Variants in UBR3 observed in about 807,000 individuals in gnomAD.
UBR3 encodes E3 ubiquitin-protein ligase UBR3.
In UBR3, 85 loss-of-function variants were observed where a neutral mutation model predicts 243.2. The observed-to-expected ratio is 0.35, with a 90% confidence interval of 0.29 to 0.42. The LOEUF (loss-of-function observed/expected upper bound fraction) is 0.42. Ranked by LOEUF, UBR3 falls within the 10% of genes least tolerant of loss-of-function variation. The pLI is 1.00. For synonymous variants in UBR3, 748 were observed against 799.8 expected (o/e 0.94, Z 1.09); for missense variants, 1,686 against 2,300.8 (o/e 0.73, Z 5.47).
At chr2:169,856,707 C>T (rs1015386398) in intron 1 of UBR3, among the ~76,000 whole-genome samples, 1 of 152,150 alleles carries the variant, frequency 6.6e-6, no homozygotes, top group African/African-American at 2.4e-5. Context: ...CGGCGCGCGC[C>T]TGCAATCCCA....
At chr2:169,864,602 C>G (rs1426187048) in intron 1 of UBR3, among the ~76,000 whole-genome samples, 1 of 151,646 alleles carries the variant, frequency 6.6e-6, no homozygotes, top group Non-Finnish European at 1.5e-5. Flanking sequence ...AACCCCATCT[C>G]TACTAAAAAT....
chr2:169,903,840 G>T (rs1276536253), intron 8 of UBR3, among the ~76,000 whole-genome samples: 2 of 152,130 alleles, frequency 1.3e-5, no homozygotes, highest in Non-Finnish European at 2.9e-5. Flanking sequence ...GGGCAACATA[G>T]TGAGACCCCC....
chr2:169,902,720 C>T (rs13016372), intron 8 of UBR3, among the ~76,000 whole-genome samples: 64,132 of 151,496 alleles, frequency 0.42, 15,140 homozygotes, highest in Non-Finnish European at 0.54. Context: ...AGTGATTCTC[C>T]TGCCTCAGCC....
At chr2:169,979,984 AAAC>A (rs1308013545) in intron 24 of UBR3, among the ~76,000 whole-genome samples, 5 of 152,228 alleles carry the variant, frequency 3.3e-5, no homozygotes, top group African/African-American at 9.6e-5. Context: ...GTGATGTATG[AAAC>A]AACCTCACTG....
chr2:170,020,657 C>T (rs1005584132), intron 30 of UBR3, among the ~76,000 whole-genome samples: 2 of 152,272 alleles, frequency 1.3e-5, no homozygotes, highest in South Asian at 4.1e-4. Flanking sequence ...AGGCAAATAG[C>T]TGGACTAGGA....
At chr2:169,862,397 A>G (rs1006207794) in intron 1 of UBR3, among the ~76,000 whole-genome samples, 4 of 152,140 alleles carry the variant, frequency 2.6e-5, no homozygotes, top group Non-Finnish European at 5.9e-5. Context: ...GCCCAGGAAT[A>G]TGTATAGGTG....
intron 19 of UBR3, among the ~76,000 whole-genome samples, chr2:169,937,492 G>A (rs1301648436): frequency 6.6e-6 from 1 of 152,154 alleles, no homozygotes; most frequent in Non-Finnish European, 1.5e-5. Context: ...CTTTTGCAGT[G>A]CAGAAACTCT....
intron 30 of UBR3, among the ~76,000 whole-genome samples, chr2:170,027,953 C>T (rs930368163): frequency 8.6e-5 from 13 of 151,764 alleles, no homozygotes; most frequent in Admixed American, 5.3e-4. Context: ...TATTACCCGC[C>T]TAGTAGAATT....
At chr2:170,028,465 AT>A (rs1274386251) in intron 30 of UBR3, among the ~76,000 whole-genome samples, 2 of 151,870 alleles carry the variant, frequency 1.3e-5, no homozygotes, top group Non-Finnish European at 2.9e-5. Flanking sequence ...TTAAGAATTA[AT>A]TTTAATCATA....
chr2:170,077,895 T>C (rs2091843021), intron 36 of UBR3: 1 of 444,170 alleles, frequency 2.3e-6, no homozygotes, highest in African/African-American at 2.1e-5. Flanking sequence ...TCTGTTCAAA[T>C]AACTCTTAAC....
intron 2 of UBR3, among the ~76,000 whole-genome samples, chr2:169,875,253 A>G (rs2083563549): frequency 6.6e-6 from 1 of 152,172 alleles, no homozygotes; most frequent in African/African-American, 2.4e-5. Context: ...TTTCTTAAAT[A>G]CTATCTTTTT....
chr2:170,048,144 A>C (rs1266810622), intron 32 of UBR3, among the ~76,000 whole-genome samples: 1 of 152,202 alleles, frequency 6.6e-6, no homozygotes, highest in Non-Finnish European at 1.5e-5. Flanking sequence ...CTGAGGTGTG[A>C]ACGATATTCT....
At chr2:169,927,492 AATTTT>A in intron 17 of UBR3, 87 bp downstream of exon 17, 1 of 1,093,944 alleles carries the variant, frequency 9.1e-7, no homozygotes, top group East Asian at 2.7e-5. Context: ...TTTTTTGATT[AATTTT>A]TTTTCAAAGT....
At chr2:169,986,927 A>G in intron 25 of UBR3, 133 bp downstream of exon 25, 2 of 897,010 alleles carry the variant, frequency 2.2e-6, no homozygotes, top group Non-Finnish European at 1.6e-6. Context: ...TTTAGATCCA[A>G]ATAACAAAGA....
Position 169,891,152 on chromosome 2 carries a change from T to G in UBR3, c.1039-13T>G. On this transcript the variant is annotated splice_polypyrimidine_tract_variant and intron_variant, in intron 5 of 38. Coordinates refer to ENST00000272793, the MANE Select transcript of UBR3 (RefSeq NM_172070.4). ...ATGTGACTGTGTATAATGCTAATAT[T>G]ATTTTCCTTCAGGATGATCAGGATG... The G allele has an allele frequency of 6.5e-7, 1 of 1,544,462 alleles. No individual in the cohort carries two copies. Among genetic ancestry groups the G allele is most frequent in the Admixed American group, 2.0e-5 (1 of 50,808 alleles).
intron 26 of UBR3, among the ~76,000 whole-genome samples, chr2:170,000,616 A>C (rs1171421641): frequency 6.6e-6 from 1 of 152,214 alleles, no homozygotes; most frequent in East Asian, 1.9e-4. Context: ...CGTTTTTGGC[A>C]CATTGATTTT....
At chr2:170,056,012 T>G in intron 33 of UBR3, among the ~76,000 whole-genome samples, 1 of 120,124 alleles carries the variant, frequency 8.3e-6, no homozygotes, top group Non-Finnish European at 1.7e-5. Flanking sequence ...TCTTTTTTTT[T>G]TTTTTTTTTT....
chr2:169,908,321 A>G (rs2085098893), intron 10 of UBR3, among the ~76,000 whole-genome samples: 1 of 152,224 alleles, frequency 6.6e-6, no homozygotes, highest in Admixed American at 6.5e-5. Context: ...AATTAATGTT[A>G]ACTCTTTGAA....
intron 27 of UBR3, among the ~76,000 whole-genome samples, chr2:170,002,505 A>G (rs1054559136): frequency 6.6e-5 from 10 of 152,116 alleles, no homozygotes; most frequent in Non-Finnish European, 2.9e-5. Flanking sequence ...ACATTCCCTT[A>G]GATTCCTATC....
Sources: allele counts gnomAD v4.1 joint callset (sites outside exome capture counted in the v4.1 genomes callset), GRCh38; gene constraint gnomAD v4.1.1; transcripts MANE v1.5; gene names NCBI Gene and HGNC (gene_info 2026-07-23, HGNC 2026-07-21).